CSGALNACT1: variants seen among roughly 807,000 people sequenced by gnomAD.
The protein encoded by CSGALNACT1 is beta4GalNAcT-1.
A neutral mutation model predicts 51.0 loss-of-function variants in CSGALNACT1; 52 were observed. The ratio of observed to expected loss-of-function variants is 1.02; its 90% CI spans 0.82 to 1.29. The LOEUF (loss-of-function observed/expected upper bound fraction) is 1.29, where lower values mean the gene tolerates loss of function less well. Ranked by LOEUF, CSGALNACT1 falls within the 50% of genes most tolerant of loss-of-function variation. The pLI is 0.00. For missense variants in CSGALNACT1, 935 were observed against 679.2 expected, an observed-to-expected ratio of 1.38 and a Z score of -4.19; for synonymous variants, 341 against 254.4, an observed-to-expected ratio of 1.34 and a Z score of -3.24.
intron 4 of CSGALNACT1, among the ~76,000 whole-genome samples, chr8:19,492,422 C>T (rs778309025): frequency 3.4e-4 from 52 of 152,206 alleles, no homozygotes; most frequent in African/African-American, 3.1e-4. Context: ...GTTTCCTGCA[C>T]GCTACTCCTG....
At chr8:19,467,714 G>A (rs2067044176) in intron 4 of CSGALNACT1, among the ~76,000 whole-genome samples, 1 of 152,146 alleles carries the variant, frequency 6.6e-6, no homozygotes, top group Non-Finnish European at 1.5e-5. Context: ...TCCAGGCAGG[G>A]TGGCTCATGC....
intron 4 of CSGALNACT1, among the ~76,000 whole-genome samples, chr8:19,467,654 T>A (rs1228497767): frequency 6.6e-6 from 1 of 151,988 alleles, no homozygotes; most frequent in African/African-American, 2.4e-5. Flanking sequence ...TTTTTTCGCA[T>A]GGCTAATATT....
Position 19,757,437 on chromosome 8 carries a change from G to A in CSGALNACT1, c.-297+413C>T, listed in dbSNP as rs1442445959. Reference sequence around the variant, plus strand: ...CGGCCAAGGCCGGGCTGGGGTCGCGGTTGGCCGCGTACCTCCGCGTCACCC... The same window carrying A: ...CGGCCAAGGCCGGGCTGGGGTCGCGATTGGCCGCGTACCTCCGCGTCACCC... On this transcript the variant is annotated intron_variant, in intron 1 of 1. Transcript: ENST00000517494. This position sits in a 1 kb window ranked among gnomAD's most constrained non-coding sequence, Gnocchi z 4.0. 2 of 152,504 alleles carry A rather than the reference G, an allele frequency of 1.3e-5. No homozygotes were observed. The highest frequency in any genetic ancestry group is 2.9e-5 in the Non-Finnish European group (2 of 67,918). The allele number at this position is 152,504 out of a possible 1,614,324, so 9.4% of individuals were successfully genotyped here.
intron 1 of CSGALNACT1, among the ~76,000 whole-genome samples, chr8:19,756,601 C>A (rs1563244391): frequency 6.6e-6 from 1 of 151,876 alleles, no homozygotes; most frequent in African/African-American, 2.4e-5. Context: ...AGATCATGCC[C>A]TCGAACAGCT....
intron 5 of CSGALNACT1, among the ~76,000 whole-genome samples, chr8:19,445,179 A>G (rs1469238793): frequency 6.6e-6 from 1 of 152,174 alleles, no homozygotes; most frequent in Admixed American, 6.6e-5. Flanking sequence ...ATCAACAATG[A>G]AATCCTCTGT....
rs146814650 is a variant in CSGALNACT1, at chr8:19,707,137, T to C, written c.-297+50713A>G. On this transcript the variant is annotated intron_variant, in intron 1 of 1. Coordinates refer to the CSGALNACT1 transcript ENST00000517494. ...ATCCAAGTCAGGTAACTCCAGAAGG[T>C]AGCTCAAGAGAAAAGTAGCATGGGG... 3.3e-5 allele frequency among the ~76,000 whole-genome samples: 5 copies of C among 152,074 alleles called. No homozygotes were observed. The East Asian group carries it at 9.7e-4, about 29-fold the overall frequency.
chr8:19,682,446 T>G (rs2060689254), intron 1 of CSGALNACT1: 2 of 305,968 alleles, frequency 6.5e-6, no homozygotes, highest in Non-Finnish European at 1.3e-5. Context: ...TCACACCCAA[T>G]AAAGGAAACT....
At chr8:19,725,480 A>C (rs561117631) in intron 1 of CSGALNACT1, among the ~76,000 whole-genome samples, 1 of 139,834 alleles carries the variant, frequency 7.2e-6, no homozygotes, top group South Asian at 2.2e-4. Context: ...TCTGGAGTGC[A>C]GTGGCGTGAT....
intron 3 of CSGALNACT1, among the ~76,000 whole-genome samples, chr8:19,582,566 T>C (rs2154123366): frequency 6.6e-6 from 1 of 152,252 alleles, no homozygotes; most frequent in African/African-American, 2.4e-5. Context: ...ATCCACCCTG[T>C]CAAAGAGATT....
At chr8:19,676,425 T>C (rs1286921779) in intron 1 of CSGALNACT1, among the ~76,000 whole-genome samples, 2 of 152,204 alleles carry the variant, frequency 1.3e-5, no homozygotes, top group Non-Finnish European at 2.9e-5. Context: ...CCAGAATATC[T>C]GAAATCCAAA....
intron 1 of CSGALNACT1, among the ~76,000 whole-genome samples, chr8:19,745,275 T>C (rs1003139933): frequency 1.3e-5 from 2 of 152,208 alleles, no homozygotes; most frequent in African/African-American, 4.8e-5. Flanking sequence ...AACCAACTAT[T>C]CACCCCTTGA....
intron 1 of CSGALNACT1, among the ~76,000 whole-genome samples, chr8:19,721,070 G>A (rs536583132): frequency 2.0e-3 from 311 of 152,320 alleles, no homozygotes; most frequent in African/African-American, 7.2e-3. Flanking sequence ...TGACCAAACA[G>A]TATAGCCAGC....
At chr8:19,574,904 G>A (rs1458049026) in intron 3 of CSGALNACT1, among the ~76,000 whole-genome samples, 3 of 152,006 alleles carry the variant, frequency 2.0e-5, no homozygotes, top group Non-Finnish European at 2.9e-5. Context: ...ACATGGTAGC[G>A]GGTACCTGTA....
In CSGALNACT1 at chr8:19,692,408, C is replaced by T. The variant is rs549533902; in HGVS notation, c.-297+65442G>A. The stretch of plus-strand genomic sequence containing the variant: ...TTACCATTGTAACAAATAGCTCCTC[C>T]CTTCTCTGCAATGAAGATAACACAA... On this transcript the variant is annotated intron_variant, in intron 1 of 1. Transcript: ENST00000517494. Among the ~76,000 whole-genome samples the T allele has an allele frequency of 1.8e-4, 27 of 152,264 alleles. No individual in the cohort carries two copies. In the South Asian group the frequency reaches 5.4e-3, roughly 30 times the overall value.
At chr8:19,584,148 T>G (rs2046158295) in intron 3 of CSGALNACT1, among the ~76,000 whole-genome samples, 1 of 152,228 alleles carries the variant, frequency 6.6e-6, no homozygotes, top group Non-Finnish European at 1.5e-5. Context: ...TTGTGACTTT[T>G]GAAAGATCAC....
chr8:19,484,572 C>A (rs1243154374), intron 4 of CSGALNACT1, among the ~76,000 whole-genome samples: 1 of 152,152 alleles, frequency 6.6e-6, no homozygotes, highest in Non-Finnish European at 1.5e-5. Flanking sequence ...ACGTTACTGG[C>A]ATTCTCATTT....
chr8:19,731,725 T>C (rs186231860), intron 1 of CSGALNACT1, among the ~76,000 whole-genome samples: 224 of 152,314 alleles, frequency 1.5e-3, no homozygotes, highest in African/African-American at 5.1e-3. Flanking sequence ...TTAAAATAGT[T>C]GCACTATGTA....
intron 1 of CSGALNACT1, among the ~76,000 whole-genome samples, chr8:19,681,415 G>A (rs986367607): frequency 3.9e-5 from 6 of 152,096 alleles, no homozygotes; most frequent in East Asian, 1.9e-4. Context: ...CATCCCCATC[G>A]CTGGCTCCTC....
intron 3 of CSGALNACT1, among the ~76,000 whole-genome samples, chr8:19,573,963 C>T (rs947546728): frequency 6.6e-6 from 1 of 152,152 alleles, no homozygotes; most frequent in Non-Finnish European, 1.5e-5. Flanking sequence ...CTCTGTTACT[C>T]AGGCTTGATT....
Sources: allele counts gnomAD v4.1 joint callset (sites outside exome capture counted in the v4.1 genomes callset), GRCh38; gene constraint gnomAD v4.1.1; non-coding constraint Gnocchi (gnomAD v3.1); transcripts MANE v1.5; gene names NCBI Gene and HGNC (gene_info 2026-07-23, HGNC 2026-07-21).